The following GRIN2D variants were observed in gnomAD, a reference collection of about 807,000 sequenced individuals.
The protein encoded by GRIN2D is glutamate receptor ionotropic, NMDA 2D.
GRIN2D carries 37 observed loss-of-function variants against 103.2 expected under a neutral mutation model. That is an observed-to-expected ratio of 0.36 (90% CI 0.28 to 0.47). The LOEUF (loss-of-function observed/expected upper bound fraction) is 0.47. Ranked by LOEUF, GRIN2D falls within the 20% of genes least tolerant of loss-of-function variation. The pLI, the probability that GRIN2D is intolerant of heterozygous loss-of-function variation, is 1.00. For missense variants in GRIN2D, 1,557 were observed against 1,910.6 expected (o/e 0.81, Z 3.45); for synonymous variants, 845 against 885.6 (o/e 0.95, Z 0.81).
At chr19:48,424,872 C>G (rs953509499) in intron 11 of GRIN2D, among the ~76,000 whole-genome samples, 1 of 152,196 alleles carries the variant, frequency 6.6e-6, no homozygotes, top group South Asian at 2.1e-4. Context: ...GGCCGCCCCC[C>G]AGGACCCTGG....
chr19:48,408,144 C>G (rs982844372), intron 4 of GRIN2D, among the ~76,000 whole-genome samples: 1 of 151,866 alleles, frequency 6.6e-6, no homozygotes, highest in Non-Finnish European at 1.5e-5. Flanking sequence ...ACCATCCTGG[C>G]TAACAGGGTG....
At chr19:48,433,869 T>G (rs1971191571) in intron 11 of GRIN2D, among the ~76,000 whole-genome samples, 2 of 152,024 alleles carry the variant, frequency 1.3e-5, no homozygotes, top group South Asian at 4.1e-4. Flanking sequence ...GTTAATGGAA[T>G]CCTACTTCTC....
chr19:48,402,290 G>C (rs372588675), intron 3 of GRIN2D, among the ~76,000 whole-genome samples: 15 of 152,068 alleles, frequency 9.9e-5, no homozygotes, highest in African/African-American at 3.6e-4. Flanking sequence ...TTTGAACGTA[G>C]AGCTAAGAAG....
At chr19:48,424,418 C>T (rs896979363) in intron 11 of GRIN2D, among the ~76,000 whole-genome samples, 5 of 150,882 alleles carry the variant, frequency 3.3e-5, no homozygotes, top group Non-Finnish European at 5.9e-5. Flanking sequence ...CTACAGGCGC[C>T]CACCACCACG....
chr19:48,434,767 ATTTT>A (rs976500652), intron 11 of GRIN2D, among the ~76,000 whole-genome samples: 2 of 151,544 alleles, frequency 1.3e-5, no homozygotes, highest in African/African-American at 4.8e-5. Context: ...TAAATATTTT[ATTTT>A]ATTTTATTTT....
chr19:48,443,136 C>T lies in GRIN2D; in HGVS notation c.3210C>T (p.Pro1070=), dbSNP rs1971325701. 7 of 995,974 alleles carry T rather than the reference C, an allele frequency of 7.0e-6. No homozygotes were observed. The highest frequency in any genetic ancestry group is 8.9e-5 in the South Asian group (2 of 22,462). The allele number at this position is 995,974 out of a possible 1,614,324, so 61.7% of individuals were successfully genotyped here. Residue 1070 remains proline, a synonymous_variant, in exon 14 of 14, where the codon CCC becomes CCT. Transcript: ENST00000263269. The surrounding 1 kb of genome is among the most constrained non-coding windows in gnomAD (Gnocchi z 8.9). ...RWPRSDPESQ[P]LLGPGAGGAG... is the part of the protein sequence containing the mutation. The stretch of plus-strand genomic sequence containing the variant: ...CGCGCTCGGACCCCGAGAGCCAACC[C>T]CTGCTGGGGCCAGGCGCGGGCGGCG...
chr19:48,406,685 G>C (rs187571621), intron 4 of GRIN2D, among the ~76,000 whole-genome samples: 1 of 152,166 alleles, frequency 6.6e-6, no homozygotes, highest in African/African-American at 2.4e-5. Context: ...AAGAACGCAG[G>C]GTCCTGTAAG....
At chr19:48,402,166 A>AAGAAAGAAAGAAAGAG (rs748167336) in intron 3 of GRIN2D, among the ~76,000 whole-genome samples, 1,521 of 79,884 alleles carry the variant, frequency 0.019, 25 homozygotes, top group Middle Eastern at 0.057. Flanking sequence ...GAAAGAAAGA[A>AAGAAAGAAAGAAAGAG]AGAGAGAAAA....
In GRIN2D at chr19:48,414,093, G is replaced by T; in HGVS notation, c.1188G>T (p.Arg396Ser). Residue 396 changes from arginine to serine, a missense_variant, in exon 5 of 14, where the codon AGG (arginine) becomes AGT (serine). Physicochemically the swap from Arg to Ser is moderately radical, Grantham distance 110. Coordinates refer to ENST00000263269, the MANE Select transcript of GRIN2D (RefSeq NM_000836.4). This position sits in a 1 kb window ranked among gnomAD's most constrained non-coding sequence, Gnocchi z 4.6. Reference protein sequence around the residue: ...SLVVISLTRDRTWEVVGSWEQ... With the variant: ...SLVVISLTRDSTWEVVGSWEQ... ...TGGTCATCTCCCTCACCAGAGACAG[G>T]ACGTGGGAGGTGGTGAGTCGTAGCC... The T allele has an allele frequency of 6.3e-7, 1 of 1,596,916 alleles. No homozygotes were observed. Among genetic ancestry groups the T allele is most frequent in the Non-Finnish European group, 8.6e-7 (1 of 1,164,446 alleles).
At chr19:48,440,894 C>T (rs1971283338) in intron 11 of GRIN2D, among the ~76,000 whole-genome samples, 1 of 152,086 alleles carries the variant, frequency 6.6e-6, no homozygotes, top group Admixed American at 6.5e-5. Flanking sequence ...ACCATGTTGG[C>T]CAGACTGGTC....
rs756990599 is a variant in GRIN2D at position 48,421,908 on chromosome 19, C to G, written c.2215C>G (p.Pro739Ala). The G allele has an allele frequency of 1.5e-5, 24 of 1,613,996 alleles. No individual in the cohort carries two copies. The highest frequency in any genetic ancestry group is 2.0e-5 in the Non-Finnish European group (24 of 1,180,008). ...CAGCTACATGGTGCGCTACAACCAG[C>G]CCCGCGTAGAGGAAGCGCTCACTCA... ...MHSYMVRYNQ[P>A]RVEEALTQLK... Residue 739 changes from proline to alanine, a missense_variant, in exon 11 of 14, where the codon CCC (proline) becomes GCC (alanine). By Grantham distance (27) the Pro-to-Ala change is conservative. Transcript: ENST00000263269. The surrounding 1 kb of genome is among the most constrained non-coding windows in gnomAD (Gnocchi z 4.8).
At chr19:48,402,702 C>A (rs1699931) in intron 3 of GRIN2D, among the ~76,000 whole-genome samples, 1 of 113,074 alleles carries the variant, frequency 8.8e-6, no homozygotes, top group East Asian at 3.0e-4. Context: ...CCGGCCTGGG[C>A]GACAGAGCAA....
chr19:48,410,527 C>CAAA lies in GRIN2D; in HGVS notation c.1086-3442_1086-3440dup, dbSNP rs4009666. On this transcript the variant is annotated intron_variant, in intron 4 of 13. Coordinates refer to ENST00000263269, the MANE Select transcript of GRIN2D (RefSeq NM_000836.4). ...TGGGCAACAGAGTGAGACTCTGACT[C>CAAA]AAAAAAAAAAAAAAAAAAAAAAAAG... 9.4e-3 allele frequency among the ~76,000 whole-genome samples: 425 copies of CAAA among 45,282 alleles called. 60 individuals are homozygous for CAAA. The highest frequency in any genetic ancestry group is 0.036 in the Admixed American group (112 of 3,092). The allele number at this position is 45,282 out of a possible 152,430, so 29.7% of individuals were successfully genotyped here. A position where few individuals can be genotyped will look rare whatever the true frequency, so the allele number is the denominator to read the frequency against.
In GRIN2D at chr19:48,442,787, G is replaced by C. The variant is rs1234739113; in HGVS notation, c.2861G>C (p.Gly954Ala). The C allele has an allele frequency of 9.3e-7, 1 of 1,070,972 alleles. No homozygotes were observed. Among genetic ancestry groups the C allele is most frequent in the African/African-American group, 1.7e-5 (1 of 58,564 alleles). The allele number at this position is 1,070,972 out of a possible 1,614,324, so 66.3% of individuals were successfully genotyped here. A position where few individuals can be genotyped will look rare whatever the true frequency, so the allele number is the denominator to read the frequency against. Reference sequence around the variant, plus strand: ...ACCAAGGGCGCGGGGCCGCCGGGGGGCGCGGGCCTGGCCGACGGCTTCCAC... The same window carrying C: ...ACCAAGGGCGCGGGGCCGCCGGGGGCCGCGGGCCTGGCCGACGGCTTCCAC... ...RRTKGAGPPG[G>A]AGLADGFHRY... Residue 954 changes from glycine to alanine, a missense_variant, in exon 14 of 14, where the codon GGC becomes GCC. Transcript: ENST00000263269. This position sits in a 1 kb window ranked among gnomAD's most constrained non-coding sequence, Gnocchi z 7.2.
At chr19:48,426,315 T>C (rs545693787) in intron 11 of GRIN2D, among the ~76,000 whole-genome samples, 1 of 147,084 alleles carries the variant, frequency 6.8e-6, no homozygotes, top group South Asian at 2.3e-4. Flanking sequence ...AATCTCCGTC[T>C]CCTGGGTTTG....
chr19:48,403,849 C>T (rs977420968), intron 3 of GRIN2D, among the ~76,000 whole-genome samples: 6 of 152,178 alleles, frequency 3.9e-5, no homozygotes, highest in African/African-American at 1.2e-4. Context: ...GTTCCCTTAC[C>T]GGATGCTGGT....
chr19:48,417,229 G>A (rs1970959724), intron 8 of GRIN2D, among the ~76,000 whole-genome samples: 1 of 152,174 alleles, frequency 6.6e-6, no homozygotes, highest in Non-Finnish European at 1.5e-5. Flanking sequence ...GACAGAGCCA[G>A]ACCCTATCTC....
intron 3 of GRIN2D, among the ~76,000 whole-genome samples, chr19:48,402,927 G>T (rs1970736712): frequency 6.6e-6 from 1 of 151,772 alleles, no homozygotes; most frequent in Non-Finnish European, 1.5e-5. Flanking sequence ...GGCCAGGCAT[G>T]GTGGCTCACA....
At chr19:48,410,658 C>T (rs1046416611) in intron 4 of GRIN2D, among the ~76,000 whole-genome samples, 20 of 151,214 alleles carry the variant, frequency 1.3e-4, no homozygotes, top group African/African-American at 3.9e-4. Flanking sequence ...GAGCAGGAGA[C>T]GGGTGGCGTG....
Sources: allele counts gnomAD v4.1 joint callset (sites outside exome capture counted in the v4.1 genomes callset), GRCh38; gene constraint gnomAD v4.1.1; non-coding constraint Gnocchi (gnomAD v3.1); transcripts MANE v1.5; gene names NCBI Gene and HGNC (gene_info 2026-07-23, HGNC 2026-07-21).